COL24A1: variants seen among roughly 807,000 people sequenced by gnomAD.
COL24A1 encodes the protein collagen type XXIV alpha 1 chain, also known as collagen alpha-1(XXIV) chain.
Under a neutral mutation model 253.9 loss-of-function variants are expected in COL24A1, and 224 were observed. The observed-to-expected ratio is 0.88, with a 90% CI of 0.79 to 0.99. COL24A1 has a LOEUF of 0.99. Ranked by LOEUF, COL24A1 falls within the 50% of genes least tolerant of loss-of-function variation. The pLI is 0.00. For synonymous variants in COL24A1, 685 were observed against 673.7 expected, an observed-to-expected ratio of 1.02 and a Z score of -0.26; for missense variants, 2,131 against 2,068.5, an observed-to-expected ratio of 1.03 and a Z score of -0.59.
chr1:85,747,205 A>G (rs540444937), intron 55 of COL24A1, among the ~76,000 whole-genome samples: 2 of 146,878 alleles, frequency 1.4e-5, no homozygotes, highest in South Asian at 2.1e-4. Flanking sequence ...TCCGCTTCCC[A>G]GGTTCAAGCG....
chr1:85,970,202 G>C (rs1224011096), intron 22 of COL24A1, 25 bp downstream of exon 22: 2 of 1,547,548 alleles, frequency 1.3e-6, no homozygotes, highest in Non-Finnish European at 8.7e-7. Context: ...AAGCACTTAT[G>C]GAAAATTATT....
At chr1:86,013,867 C>T (rs1405478490) in intron 19 of COL24A1, among the ~76,000 whole-genome samples, 1 of 151,866 alleles carries the variant, frequency 6.6e-6, no homozygotes, top group East Asian at 1.9e-4. Context: ...AACAAAAAAC[C>T]TTATCCAAAA....
intron 1 of COL24A1, among the ~76,000 whole-genome samples, chr1:86,152,763 C>T (rs1652943993): frequency 6.6e-6 from 1 of 152,176 alleles, no homozygotes; most frequent in Non-Finnish European, 1.5e-5. Context: ...TATTGCCTAG[C>T]TTAGTAAAGT....
chr1:85,858,590 C>T (rs1223878802), intron 37 of COL24A1, among the ~76,000 whole-genome samples: 1 of 136,850 alleles, frequency 7.3e-6, no homozygotes, highest in Non-Finnish European at 1.6e-5. Flanking sequence ...CACTCCACAT[C>T]CCAATAACAT....
chr1:85,856,126 T>C (rs1451152361), intron 37 of COL24A1, among the ~76,000 whole-genome samples: 1 of 152,234 alleles, frequency 6.6e-6, no homozygotes, highest in African/African-American at 2.4e-5. Context: ...CTATAAATCT[T>C]ATTTATTCTT....
At chr1:85,975,458 GCCA>G (rs1008622949) in intron 20 of COL24A1, among the ~76,000 whole-genome samples, 8 of 152,118 alleles carry the variant, frequency 5.3e-5, no homozygotes, top group Admixed American at 2.6e-4. Context: ...TCCTATATTT[GCCA>G]CAACAAGGCT....
At chr1:86,037,061 T>C (rs1435668929) in intron 12 of COL24A1, among the ~76,000 whole-genome samples, 3 of 152,206 alleles carry the variant, frequency 2.0e-5, no homozygotes, top group South Asian at 2.1e-4. Flanking sequence ...GTGTTGTATA[T>C]AGTTCTCTTC....
chr1:86,065,877 A>G (rs1701438963), intron 7 of COL24A1, among the ~76,000 whole-genome samples: 1 of 152,098 alleles, frequency 6.6e-6, no homozygotes, highest in Non-Finnish European at 1.5e-5. Flanking sequence ...TGGGGGTAGG[A>G]GGGAGCTGGA....
At chr1:86,088,002 T>G (rs1192134166) in intron 7 of COL24A1, among the ~76,000 whole-genome samples, 1 of 152,158 alleles carries the variant, frequency 6.6e-6, no homozygotes, top group Admixed American at 6.5e-5. Context: ...GCAGGGGTTA[T>G]GAAGGAAAGC....
intron 18 of COL24A1, among the ~76,000 whole-genome samples, chr1:86,019,539 C>T (rs915053829): frequency 1.3e-5 from 2 of 150,436 alleles, no homozygotes; most frequent in East Asian, 1.9e-4. Flanking sequence ...TCCTGAGCAA[C>T]AGAGGGAGGC....
At chr1:85,889,726 C>A (rs994707464) in intron 31 of COL24A1, 113 bp from the exon 32 acceptor site, 7 of 822,320 alleles carry the variant, frequency 8.5e-6, no homozygotes, top group Non-Finnish European at 1.4e-5. Context: ...CTGTCTATTG[C>A]TATTCTTTTT....
At chr1:86,114,223 C>A (rs1409449850) in intron 4 of COL24A1, among the ~76,000 whole-genome samples, 1 of 151,974 alleles carries the variant, frequency 6.6e-6, no homozygotes, top group African/African-American at 2.4e-5. Context: ...TAGCCTTGAG[C>A]AAAACACTCT....
At chr1:85,967,704 C>T (rs1274379692) in intron 22 of COL24A1, among the ~76,000 whole-genome samples, 1 of 152,152 alleles carries the variant, frequency 6.6e-6, no homozygotes, top group Non-Finnish European at 1.5e-5. Context: ...AGAAGATCAT[C>T]AGGCATTAGA....
intron 1 of COL24A1, among the ~76,000 whole-genome samples, chr1:86,147,099 C>A (rs1326235772): frequency 2.0e-5 from 3 of 152,082 alleles, no homozygotes; most frequent in African/African-American, 7.2e-5. Context: ...TGCAGTTCCG[C>A]AAGGAGTGAT....
intron 41 of COL24A1, 40 bp downstream of exon 41, chr1:85,842,028 T>C: frequency 6.5e-7 from 1 of 1,545,392 alleles, no homozygotes. Flanking sequence ...ATGAACTCAA[T>C]GTTTAACTTT....
rs1485523673 is a variant in COL24A1, at chr1:86,098,406, T to C, written c.1600-6086A>G. 1.5e-4 allele frequency among the ~76,000 whole-genome samples: 5 copies of C among 34,174 alleles called. No individual in the cohort carries two copies. In the East Asian group the frequency reaches 1.8e-3, roughly 12 times the overall value. The allele number at this position is 34,174 out of a possible 152,430, so 22.4% of individuals were successfully genotyped here. ...AAAGGAGCTTCCCCCAAATGCTGGA[T>C]ATAGATTTTTCATCCTTGGCTGACA... On this transcript the variant is annotated intron_variant, in intron 5 of 59. Coordinates refer to ENST00000370571, the MANE Select transcript of COL24A1 (RefSeq NM_152890.7).
chr1:85,818,634 C>T (rs2101944892), intron 45 of COL24A1, among the ~76,000 whole-genome samples: 1 of 152,268 alleles, frequency 6.6e-6, no homozygotes, highest in East Asian at 1.9e-4. Flanking sequence ...GTTTGTTTTT[C>T]CATGTGTGAG....
At chr1:85,870,444 G>C (rs1680332796) in intron 35 of COL24A1, among the ~76,000 whole-genome samples, 1 of 152,142 alleles carries the variant, frequency 6.6e-6, no homozygotes, top group Non-Finnish European at 1.5e-5. Flanking sequence ...CACATAGTTG[G>C]AAGTAAAGCA....
At chr1:85,907,116 T>C (rs1400205413) in intron 28 of COL24A1, 78 bp downstream of exon 28, 5 of 1,159,058 alleles carry the variant, frequency 4.3e-6, no homozygotes, top group Non-Finnish European at 5.2e-6. Flanking sequence ...GGTATGATGC[T>C]ATTTTTGTTG....
Sources: gnomAD v4.1 joint callset for allele counts (sites outside exome capture counted in the v4.1 genomes callset) on GRCh38, gnomAD v4.1.1 for gene constraint, MANE v1.5 for transcripts, NCBI Gene and HGNC (gene_info 2026-07-23, HGNC 2026-07-21) for gene names.